The following MYO1D variants were observed in gnomAD, a reference collection of about 807,000 sequenced individuals.
MYO1D encodes unconventional myosin-Id.
In MYO1D, 83 loss-of-function variants were observed where a neutral mutation model predicts 122.0. That is an observed-to-expected ratio of 0.68 (90% CI 0.57 to 0.82). MYO1D has a LOEUF of 0.82. MYO1D is among the 40% of genes least tolerant of loss of function. MYO1D has a pLI of 0.00. For synonymous variants in MYO1D, 464 were observed against 446.9 expected, an observed-to-expected ratio of 1.04 and a Z score of -0.48; for missense variants, 1,157 against 1,269.5, an observed-to-expected ratio of 0.91 and a Z score of 1.35.
intron 16 of MYO1D, among the ~76,000 whole-genome samples, chr17:32,701,723 C>T (rs957671966): frequency 6.6e-6 from 1 of 152,056 alleles, no homozygotes; most frequent in African/African-American, 2.4e-5. Flanking sequence ...CCACTATGCT[C>T]AGTTAATATT....
chr17:32,543,057 T>C (rs1910890545), intron 21 of MYO1D, among the ~76,000 whole-genome samples: 1 of 150,990 alleles, frequency 6.6e-6, no homozygotes, highest in South Asian at 2.1e-4. Context: ...AAACCCCGTC[T>C]CTACTAAAAA....
At chr17:32,672,064 C>T (rs983642317) in intron 16 of MYO1D, among the ~76,000 whole-genome samples, 6 of 152,150 alleles carry the variant, frequency 3.9e-5, no homozygotes, top group African/African-American at 1.2e-4. Context: ...TGGTATTTGG[C>T]AGATTGGAGG....
intron 1 of MYO1D, among the ~76,000 whole-genome samples, chr17:32,790,075 G>C (rs1401365693): frequency 6.6e-6 from 1 of 152,122 alleles, no homozygotes; most frequent in Non-Finnish European, 1.5e-5. Context: ...CACCTATATA[G>C]AGCAAGAGTT....
chr17:32,633,933 C>T (rs1053094061), intron 20 of MYO1D, among the ~76,000 whole-genome samples: 1 of 152,152 alleles, frequency 6.6e-6, no homozygotes, highest in Non-Finnish European at 1.5e-5. Context: ...TGGACTATAT[C>T]ATGTGCGTAT....
intron 1 of MYO1D, among the ~76,000 whole-genome samples, chr17:32,851,987 C>A (rs2090993674): frequency 6.6e-6 from 1 of 152,204 alleles, no homozygotes; most frequent in African/African-American, 2.4e-5. Flanking sequence ...GAAATTCTCT[C>A]CTCTGTTAGT....
At chr17:32,744,948 G>A (rs1272397821) in intron 13 of MYO1D, among the ~76,000 whole-genome samples, 2 of 152,210 alleles carry the variant, frequency 1.3e-5, no homozygotes, top group Admixed American at 6.5e-5. Flanking sequence ...ACTGGTAGGG[G>A]ATGCTGGAAG....
Position 32,819,638 on chromosome 17 carries a change from T to C in MYO1D, c.96-38854A>G, listed in dbSNP as rs75563887. Among the ~76,000 whole-genome samples the C allele has an allele frequency of 1.9e-3, 289 of 152,348 alleles. 7 individuals carry two copies. The East Asian group carries it at 0.047, about 25-fold the overall frequency. On this transcript the variant is annotated intron_variant, in intron 1 of 21. Coordinates refer to ENST00000318217, the MANE Select transcript of MYO1D (RefSeq NM_015194.3). ...CAAAAAGGAATAAAAACCACTGTTC[T>C]ATCTCATGACACTCTACCTTTAGTT...
intron 6 of MYO1D, among the ~76,000 whole-genome samples, chr17:32,768,563 T>C (rs952958667): frequency 6.6e-6 from 1 of 152,234 alleles, no homozygotes; most frequent in African/African-American, 2.4e-5. Flanking sequence ...TGCTCACTTG[T>C]TGAGGAAGGG....
chr17:32,638,625 A>G, intron 20 of MYO1D, 97 bp downstream of exon 20: 1 of 709,300 alleles, frequency 1.4e-6, no homozygotes, highest in African/African-American at 1.8e-5. Context: ...GGCATCCTAA[A>G]GCCCCAAAGA....
chr17:32,580,785 C>A (rs777298285), intron 21 of MYO1D, among the ~76,000 whole-genome samples: 1 of 152,106 alleles, frequency 6.6e-6, no homozygotes, highest in African/African-American at 2.4e-5. Flanking sequence ...CACTTGGTCA[C>A]AATGTATTAT....
chr17:32,544,128 C>T (rs1390346361), intron 21 of MYO1D, among the ~76,000 whole-genome samples: 1 of 150,338 alleles, frequency 6.7e-6, no homozygotes, highest in East Asian at 1.9e-4. Flanking sequence ...CAGGGTCTCA[C>T]TCTGTTGCCC....
intron 1 of MYO1D, among the ~76,000 whole-genome samples, chr17:32,849,307 A>G (rs1486043676): frequency 6.7e-6 from 1 of 149,514 alleles, no homozygotes; most frequent in African/African-American, 2.5e-5. Flanking sequence ...CAGCCATCCC[A>G]TTACTGGGTA....
intron 20 of MYO1D, among the ~76,000 whole-genome samples, chr17:32,618,925 G>A (rs376528415): frequency 6.6e-6 from 1 of 152,124 alleles, no homozygotes; most frequent in East Asian, 1.9e-4. Context: ...GTGAGTCACT[G>A]TGCCTCGCAA....
chr17:32,829,332 G>A (rs2090751520), intron 1 of MYO1D, among the ~76,000 whole-genome samples: 1 of 152,140 alleles, frequency 6.6e-6, no homozygotes, highest in African/African-American at 2.4e-5. Context: ...AAAATGATTT[G>A]GCTAAAAGTT....
At chr17:32,543,535 C>T (rs913665180) in intron 21 of MYO1D, among the ~76,000 whole-genome samples, 41 of 151,984 alleles carry the variant, frequency 2.7e-4, no homozygotes, top group African/African-American at 9.2e-4. Flanking sequence ...GAGATCATGC[C>T]ACTGCACTCC....
intron 21 of MYO1D, among the ~76,000 whole-genome samples, chr17:32,521,412 A>G (rs572791248): frequency 3.9e-5 from 6 of 152,312 alleles, no homozygotes; most frequent in African/African-American, 1.4e-4. Flanking sequence ...AGGCCTGTAA[A>G]TTCCCGCATA....
rs60701225 is a variant in MYO1D, at chr17:32,613,789, CAAA to C, written c.2710-8551_2710-8549del. ...TGGGCGACAGAGCAAGATTCCATCT[CAAA>C]AAAAAAAAAAAAAAAAAAAAAAGAA... On this transcript the variant is annotated intron_variant, in intron 20 of 21. Coordinates refer to ENST00000318217, the MANE Select transcript of MYO1D (RefSeq NM_015194.3). 6.3e-4 allele frequency among the ~76,000 whole-genome samples: 32 copies of C among 51,046 alleles called. No homozygotes were observed. In the East Asian group the frequency reaches 7.1e-3, roughly 11 times the overall value. 33.5% of individuals were successfully genotyped at this position (51,046 alleles called of 152,430 possible).
intron 20 of MYO1D, among the ~76,000 whole-genome samples, chr17:32,623,458 C>T (rs1313321084): frequency 6.6e-6 from 1 of 152,000 alleles, no homozygotes; most frequent in Non-Finnish European, 1.5e-5. Flanking sequence ...GGGGTCGTTG[C>T]TAAGTGAGAC....
At chr17:32,655,107 G>A (rs2088457404) in intron 17 of MYO1D, among the ~76,000 whole-genome samples, 1 of 152,196 alleles carries the variant, frequency 6.6e-6, no homozygotes, top group Non-Finnish European at 1.5e-5. Flanking sequence ...ATTTTATGTA[G>A]ACAGATCTTT....
Sources: gnomAD v4.1 joint callset for allele counts (sites outside exome capture counted in the v4.1 genomes callset) on GRCh38, gnomAD v4.1.1 for gene constraint, MANE v1.5 for transcripts, NCBI Gene and HGNC (gene_info 2026-07-23, HGNC 2026-07-21) for gene names.